The following SLC9A9 variants were observed in gnomAD, a reference collection of about 807,000 sequenced individuals.
SLC9A9 encodes sodium/hydrogen exchanger 9.
SLC9A9 carries 62 observed loss-of-function variants against 77.8 expected under a neutral mutation model. That is an observed-to-expected ratio of 0.80 (90% CI 0.65 to 0.98). The LOEUF is 0.98. SLC9A9 is among the 50% of genes least tolerant of loss of function. The probability of loss-of-function intolerance (pLI) is 0.00; values close to 1 mark genes in which losing one functional copy is unlikely to be tolerated. For missense variants in SLC9A9, 775 were observed against 774.9 expected (o/e 1.00, Z 0.00); for synonymous variants, 320 against 283.5 (o/e 1.13, Z -1.29).
intron 2 of SLC9A9, among the ~76,000 whole-genome samples, chr3:143,811,362 C>T (rs1268692843): frequency 1.3e-5 from 2 of 152,124 alleles, no homozygotes; most frequent in Non-Finnish European, 2.9e-5. Context: ...AGAATACTCT[C>T]AGAATACCTA....
intron 14 of SLC9A9, among the ~76,000 whole-genome samples, chr3:143,319,650 T>C (rs557700233): frequency 9.8e-5 from 15 of 152,338 alleles, no homozygotes; most frequent in Admixed American, 9.1e-4. Context: ...CCCAGTGTAT[T>C]ATTATCATTT....
intron 6 of SLC9A9, among the ~76,000 whole-genome samples, chr3:143,633,736 A>C (rs2038466168): frequency 1.3e-5 from 2 of 152,188 alleles, no homozygotes; most frequent in South Asian, 4.1e-4. Flanking sequence ...CAAGATCTAT[A>C]AAATACTATC....
chr3:143,628,470 G>T (rs1358359484), intron 6 of SLC9A9, among the ~76,000 whole-genome samples: 1 of 152,066 alleles, frequency 6.6e-6, no homozygotes, highest in Non-Finnish European at 1.5e-5. Context: ...AAAACAGAAT[G>T]GTTGTATGGG....
intron 6 of SLC9A9, among the ~76,000 whole-genome samples, chr3:143,628,452 A>G (rs889363053): frequency 6.6e-6 from 1 of 152,202 alleles, no homozygotes; most frequent in African/African-American, 2.4e-5. Flanking sequence ...ATACTGTTCC[A>G]AAAGTGAAAA....
intron 2 of SLC9A9, among the ~76,000 whole-genome samples, chr3:143,819,486 T>C (rs889631900): frequency 4.6e-5 from 7 of 152,192 alleles, no homozygotes; most frequent in Non-Finnish European, 1.0e-4. Flanking sequence ...TGTAGTTCTG[T>C]TGTAAATCAA....
chr3:143,349,049 C>G (rs1456734747), intron 14 of SLC9A9, among the ~76,000 whole-genome samples: 5 of 152,196 alleles, frequency 3.3e-5, no homozygotes, highest in African/African-American at 9.6e-5. Context: ...CCAGCTGCCC[C>G]TGGTCTCTGC....
chr3:143,442,030 C>T (rs947535341), intron 12 of SLC9A9, among the ~76,000 whole-genome samples: 1 of 152,082 alleles, frequency 6.6e-6, no homozygotes, highest in African/African-American at 2.4e-5. Flanking sequence ...GCCCAACCAC[C>T]CATCCCTTAA....
chr3:143,285,103 A>G (rs1262217474), intron 14 of SLC9A9, among the ~76,000 whole-genome samples: 2 of 152,082 alleles, frequency 1.3e-5, no homozygotes, highest in Non-Finnish European at 2.9e-5. Context: ...TATACTATAT[A>G]TTTTTAAATC....
At chr3:143,602,247 C>A (rs1487411389) in intron 6 of SLC9A9, among the ~76,000 whole-genome samples, 1 of 152,188 alleles carries the variant, frequency 6.6e-6, no homozygotes, top group Admixed American at 6.5e-5. Flanking sequence ...CACTATGGGA[C>A]CAGCAGCACG....
intron 4 of SLC9A9, among the ~76,000 whole-genome samples, chr3:143,775,924 C>T (rs1038029269): frequency 6.6e-6 from 1 of 152,134 alleles, no homozygotes; most frequent in Non-Finnish European, 1.5e-5. Context: ...TGCCTTTAAG[C>T]ACCGTTAAAA....
chr3:143,494,758 G>A (rs533876524), intron 10 of SLC9A9, among the ~76,000 whole-genome samples: 1 of 152,202 alleles, frequency 6.6e-6, no homozygotes, highest in East Asian at 1.9e-4. Context: ...TTAAAAGTGG[G>A]GTCTAGATTT....
chr3:143,514,669 A>G (rs2036174275), intron 9 of SLC9A9, among the ~76,000 whole-genome samples: 1 of 152,218 alleles, frequency 6.6e-6, no homozygotes, highest in Non-Finnish European at 1.5e-5. Flanking sequence ...TTCAAACGTC[A>G]TGAACAAACC....
intron 4 of SLC9A9, among the ~76,000 whole-genome samples, chr3:143,752,408 AC>A (rs2108825686): frequency 6.6e-6 from 1 of 152,316 alleles, no homozygotes; most frequent in South Asian, 2.1e-4. Context: ...TAAAGCTGAG[AC>A]GATTTAACAC....
At position 143,266,833 on chromosome 3, in the gene SLC9A9, C is replaced by T. The variant is rs778039606; in HGVS notation, c.1807G>A (p.Ala603Thr). ...GCTTTCTGGTCCAGACCTAGCCTTGCAGGAGGACTGCAGGGTGAGGAGGCT... is the reference window on the plus strand; with the variant it reads ...GCTTTCTGGTCCAGACCTAGCCTTGTAGGAGGACTGCAGGGTGAGGAGGCT... The part of the protein sequence containing the change: ...EQASSPCSPP[A>T]RLGLDQKASP... The change falls in exon 16 of 16, where the codon GCA (alanine) becomes ACA (threonine). Residue 603 changes from alanine to threonine, a missense_variant. Ala to Thr is a moderately conservative substitution (Grantham distance 58). Transcript: ENST00000316549. 1.9e-5 allele frequency: 31 copies of T among 1,614,176 alleles called. No individual in the cohort carries two copies. In the South Asian group the frequency reaches 3.1e-4, roughly 16 times the overall value.
intron 4 of SLC9A9, among the ~76,000 whole-genome samples, chr3:143,716,927 C>T (rs963832187): frequency 2.6e-5 from 4 of 152,110 alleles, no homozygotes; most frequent in Non-Finnish European, 5.9e-5. Flanking sequence ...GACCACAACT[C>T]GTGAGACCAG....
intron 14 of SLC9A9, among the ~76,000 whole-genome samples, chr3:143,301,387 TCAG>T (rs2030507902): frequency 6.6e-6 from 1 of 152,184 alleles, no homozygotes; most frequent in South Asian, 2.1e-4. Context: ...TGCAGAGAAA[TCAG>T]CAAGAGGGCG....
intron 4 of SLC9A9, among the ~76,000 whole-genome samples, chr3:143,763,796 A>C (rs554452407): frequency 2.6e-5 from 4 of 152,132 alleles, no homozygotes; most frequent in Middle Eastern, 3.4e-3. Flanking sequence ...CTTTAAGGTG[A>C]GAACTCTGTT....
At chr3:143,470,902 A>G (rs544694742) in intron 11 of SLC9A9, among the ~76,000 whole-genome samples, 9 of 152,356 alleles carry the variant, frequency 5.9e-5, no homozygotes, top group African/African-American at 1.2e-4. Flanking sequence ...AATATATGTT[A>G]TACTGACTTT....
chr3:143,603,638 C>A (rs899209316), intron 6 of SLC9A9, among the ~76,000 whole-genome samples: 1 of 152,216 alleles, frequency 6.6e-6, no homozygotes, highest in Non-Finnish European at 1.5e-5. Flanking sequence ...TCCTGGCCAA[C>A]AGCTTGTCTG....
Sources: gnomAD v4.1 joint callset for allele counts (sites outside exome capture counted in the v4.1 genomes callset) on GRCh38, gnomAD v4.1.1 for gene constraint, MANE v1.5 for transcripts, NCBI Gene and HGNC (gene_info 2026-07-23, HGNC 2026-07-21) for gene names.